The following EPHB2 variants were observed in gnomAD, a reference collection of about 807,000 sequenced individuals.
The protein encoded by EPHB2 is EPH receptor B2.
EPHB2 carries 18 observed loss-of-function variants against 96.4 expected under a neutral mutation model. The observed-to-expected ratio is 0.19, with a 90% CI of 0.13 to 0.28. The LOEUF (loss-of-function observed/expected upper bound fraction) is 0.28, where lower values mean the gene tolerates loss of function less well. EPHB2 is among the 10% of genes least tolerant of loss of function. EPHB2 has a pLI of 1.00. For missense variants in EPHB2, 989 were observed against 1,355.4 expected, an observed-to-expected ratio of 0.73 and a Z score of 4.25; for synonymous variants, 506 against 534.1, an observed-to-expected ratio of 0.95 and a Z score of 0.72.
chr1:22,803,698 T>C (rs919511206), intron 3 of EPHB2, among the ~76,000 whole-genome samples: 2 of 148,396 alleles, frequency 1.3e-5, no homozygotes, highest in Admixed American at 6.8e-5. Flanking sequence ...TATATGTGTG[T>C]ATATATATGT....
chr1:22,907,188 C>T (rs1639946051), intron 11 of EPHB2, among the ~76,000 whole-genome samples: 1 of 152,216 alleles, frequency 6.6e-6, no homozygotes, highest in Non-Finnish European at 1.5e-5. Flanking sequence ...AGTATGGTTC[C>T]CCAGGAAGCC....
At chr1:22,897,740 T>C (rs1377512142) in intron 9 of EPHB2, among the ~76,000 whole-genome samples, 1 of 151,902 alleles carries the variant, frequency 6.6e-6, no homozygotes, top group African/African-American at 2.4e-5. Context: ...TGAGCAGAGA[T>C]CGTGCCACTG....
At chr1:22,741,795 A>C (rs1643908191) in intron 1 of EPHB2, among the ~76,000 whole-genome samples, 1 of 151,558 alleles carries the variant, frequency 6.6e-6, no homozygotes, top group Non-Finnish European at 1.5e-5. Flanking sequence ...ATCCCCACAC[A>C]CTGGGCCTGT....
chr1:22,873,029 A>G (rs1638723793), intron 5 of EPHB2, among the ~76,000 whole-genome samples: 1 of 152,222 alleles, frequency 6.6e-6, no homozygotes, highest in African/African-American at 2.4e-5. Context: ...GACCTAGAGT[A>G]TCATTTAAGA....
Position 22,784,412 on chromosome 1 carries a change from C to T in EPHB2, c.147C>T (p.Tyr49=), listed in dbSNP as rs772063930. ...CACAGTGGGAAGAGGTGAGTGGCTA[C>T]GATGAGAACATGAACACGATCCGCA... ...PPSGWEEVSG[Y]DENMNTIRTY... is the part of the protein sequence containing the mutation. Residue 49 remains tyrosine (Y), a synonymous_variant, in exon 3 of 16, where the codon TAC becomes TAT. Coordinates refer to ENST00000374630, the MANE Select transcript of EPHB2 (RefSeq NM_017449.5). This position sits in a 1 kb window ranked among gnomAD's most constrained non-coding sequence, Gnocchi z 5.1. 16 of 1,613,952 alleles carry T rather than the reference C, an allele frequency of 9.9e-6. No individual in the cohort carries two copies. Among genetic ancestry groups the T allele is most frequent in the South Asian group, 3.3e-5 (3 of 91,082 alleles).
At chr1:22,739,913 T>C (rs552346418) in intron 1 of EPHB2, among the ~76,000 whole-genome samples, 1 of 152,266 alleles carries the variant, frequency 6.6e-6, no homozygotes, top group East Asian at 1.9e-4. Flanking sequence ...GCCCGGGGTT[T>C]GCGGTTTTGA....
intron 5 of EPHB2, among the ~76,000 whole-genome samples, chr1:22,876,803 A>G (rs2148542870): frequency 6.6e-6 from 1 of 152,310 alleles, no homozygotes; most frequent in East Asian, 1.9e-4. Flanking sequence ...TCCAGGAGAA[A>G]GGCTAGCCCT....
At chr1:22,778,246 G>C (rs1257666891) in intron 1 of EPHB2, among the ~76,000 whole-genome samples, 2 of 152,026 alleles carry the variant, frequency 1.3e-5, no homozygotes, top group South Asian at 2.1e-4. Flanking sequence ...GGCTTGTCTC[G>C]AACTCCTGAC....
At chr1:22,783,290 A>G (rs1445762708) in intron 2 of EPHB2, among the ~76,000 whole-genome samples, 1 of 152,242 alleles carries the variant, frequency 6.6e-6, no homozygotes, top group Non-Finnish European at 1.5e-5. Flanking sequence ...AGATCCTGTT[A>G]GGGTGCCCAT....
intron 9 of EPHB2, among the ~76,000 whole-genome samples, chr1:22,904,225 G>C (rs560302887): frequency 6.6e-6 from 1 of 151,652 alleles, no homozygotes; most frequent in African/African-American, 2.4e-5. Flanking sequence ...CCCTGGAGGC[G>C]GAGGTTGCAG....
At chr1:22,712,072 GCT>G in intron 1 of EPHB2, among the ~76,000 whole-genome samples, 1 of 152,356 alleles carries the variant, frequency 6.6e-6, no homozygotes, top group Middle Eastern at 3.4e-3. Context: ...ACTATACGCA[GCT>G]CTCTGTGGTT....
intron 3 of EPHB2, among the ~76,000 whole-genome samples, chr1:22,798,791 T>A (rs926992529): frequency 6.6e-6 from 1 of 151,952 alleles, no homozygotes; most frequent in African/African-American, 2.4e-5. Flanking sequence ...AACAACAGGT[T>A]TGAAGGTTTG....
intron 5 of EPHB2, among the ~76,000 whole-genome samples, chr1:22,872,644 C>A (rs1638711007): frequency 6.6e-6 from 1 of 152,210 alleles, no homozygotes; most frequent in African/African-American, 2.4e-5. Context: ...TACCCAAGAT[C>A]CCACAGCAGG....
chr1:22,856,848 G>C (rs956209493), intron 3 of EPHB2, among the ~76,000 whole-genome samples: 4 of 152,168 alleles, frequency 2.6e-5, no homozygotes, highest in African/African-American at 7.2e-5. Context: ...AGTAATAATA[G>C]CCATTTACAT....
chr1:22,888,344 A>G (rs939020797), intron 6 of EPHB2, among the ~76,000 whole-genome samples: 5 of 152,186 alleles, frequency 3.3e-5, no homozygotes, highest in Non-Finnish European at 7.3e-5. Context: ...CCTGGCCTCT[A>G]TAATGGTTTT....
At chr1:22,871,618 T>A (rs139897178) in intron 5 of EPHB2, among the ~76,000 whole-genome samples, 16 of 152,352 alleles carry the variant, frequency 1.1e-4, no homozygotes, top group African/African-American at 3.4e-4. Context: ...AGATGGACAG[T>A]ACATGGCAGC....
In EPHB2 at chr1:22,784,606, A is replaced by G; in HGVS notation, c.341A>G (p.Tyr114Cys). ...TCCTGCAAGGAGACCTTCAACCTCT[A>G]TTACTATGAGGCTGACTTTGACTCG... ...PGSCKETFNLYYYEADFDSAT... is the reference protein window; with the variant it reads ...PGSCKETFNLCYYEADFDSAT... The change falls in exon 3 of 16, where the codon TAT (tyrosine) becomes TGT (cysteine). Residue 114 changes from tyrosine to cysteine, a missense_variant. By Grantham distance (194) the Tyr-to-Cys change is radical. Transcript: ENST00000374630. This position sits in a 1 kb window ranked among gnomAD's most constrained non-coding sequence, Gnocchi z 5.1. The G allele has an allele frequency of 6.2e-7, 1 of 1,614,082 alleles. No individual in the cohort carries two copies. The highest frequency in any genetic ancestry group is 8.5e-7 in the Non-Finnish European group (1 of 1,180,004).
chr1:22,865,048 A>G lies in EPHB2; in HGVS notation c.1139A>G (p.Gln380Arg), dbSNP rs1415136619. 4 of 1,614,092 alleles carry G rather than the reference A, an allele frequency of 2.5e-6. No individual in the cohort carries two copies. The highest frequency in any genetic ancestry group is 3.4e-6 in the Non-Finnish European group (4 of 1,180,058). ...GACTRCGDNVQYAPRQLGLTE... is the reference protein window; with the variant it reads ...GACTRCGDNVRYAPRQLGLTE... ...TGCACCCGCTGCGGGGACAATGTACAGTACGCACCACGCCAGCTAGGCCTG... is the reference window on the plus strand; with the variant it reads ...TGCACCCGCTGCGGGGACAATGTACGGTACGCACCACGCCAGCTAGGCCTG... Residue 380 changes from glutamine (Q) to arginine (R), a missense_variant, in exon 5 of 16, where the codon CAG (glutamine) becomes CGG (arginine). Transcript: ENST00000374630.
intron 1 of EPHB2, among the ~76,000 whole-genome samples, chr1:22,731,932 C>G (rs995644171): frequency 3.3e-5 from 5 of 152,244 alleles, no homozygotes; most frequent in Non-Finnish European, 5.9e-5. Context: ...GCCTGTGCCC[C>G]AGTCTTCATC....
Sources: gnomAD v4.1 joint callset for allele counts (sites outside exome capture counted in the v4.1 genomes callset) on GRCh38, gnomAD v4.1.1 for gene constraint, Gnocchi (gnomAD v3.1) non-coding constraint, MANE v1.5 for transcripts, NCBI Gene and HGNC (gene_info 2026-07-23, HGNC 2026-07-21) for gene names.